The following TANC1 variants were observed in gnomAD, a reference collection of about 807,000 sequenced individuals.
TANC1 encodes protein TANC1.
TANC1 carries 77 observed loss-of-function variants against 149.7 expected under a neutral mutation model. The observed-to-expected ratio is 0.51, with a 90% CI of 0.43 to 0.62. TANC1 has a LOEUF of 0.62. Among genes scored for constraint, TANC1 ranks in the 20% least tolerant of loss-of-function variants. TANC1 has a pLI of 0.00. For missense variants in TANC1, 1,985 were observed against 2,321.8 expected, an observed-to-expected ratio of 0.85 and a Z score of 2.98; for synonymous variants, 854 against 925.0, an observed-to-expected ratio of 0.92 and a Z score of 1.39.
chr2:159,175,293 C>T, intron 12 of TANC1, 109 bp downstream of exon 12: 4 of 841,970 alleles, frequency 4.8e-6, no homozygotes, highest in Non-Finnish European at 5.7e-6. Flanking sequence ...TGAGGTGGAG[C>T]ATGGAGAGGA....
chr2:159,121,561 C>T (rs1244300823), intron 4 of TANC1, among the ~76,000 whole-genome samples: 1 of 152,208 alleles, frequency 6.6e-6, no homozygotes, highest in Non-Finnish European at 1.5e-5. Flanking sequence ...AACTCCTGAC[C>T]TCTGGTGATC....
At chr2:158,969,702 C>T (rs775666407) in intron 1 of TANC1, among the ~76,000 whole-genome samples, 2 of 152,212 alleles carry the variant, frequency 1.3e-5, no homozygotes, top group Non-Finnish European at 2.9e-5. Context: ...GTCCCTGGAC[C>T]GGTGTTCTCA....
At chr2:159,194,739 A>C (rs2150702363) in intron 17 of TANC1, among the ~76,000 whole-genome samples, 1 of 152,376 alleles carries the variant, frequency 6.6e-6, no homozygotes, top group East Asian at 1.9e-4. Context: ...CCTGGCTCCT[A>C]GCCGCATGAG....
chr2:159,069,108 AG>A (rs1226129007), intron 3 of TANC1, among the ~76,000 whole-genome samples: 2 of 152,222 alleles, frequency 1.3e-5, no homozygotes, highest in Non-Finnish European at 2.9e-5. Flanking sequence ...TCAAAATAGC[AG>A]AATTCCTCTC....
intron 2 of TANC1, among the ~76,000 whole-genome samples, chr2:159,041,240 G>A (rs2040604550): frequency 6.6e-6 from 1 of 152,212 alleles, no homozygotes; most frequent in South Asian, 2.1e-4. Flanking sequence ...ATGGGGGTCA[G>A]GGACCCACTT....
chr2:159,071,399 A>AT (rs66499974), intron 3 of TANC1, among the ~76,000 whole-genome samples: 5 of 151,932 alleles, frequency 3.3e-5, no homozygotes, highest in African/African-American at 1.2e-4. Context: ...TTAAAAAAAA[A>AT]TTTTTTTTTG....
chr2:159,010,962 G>A (rs765110300), intron 2 of TANC1, among the ~76,000 whole-genome samples: 3 of 152,044 alleles, frequency 2.0e-5, no homozygotes, highest in African/African-American at 4.8e-5. Flanking sequence ...GAATGAGTCC[G>A]TTGTGAAGAG....
At chr2:159,168,491 G>T (rs924502810) in intron 8 of TANC1, among the ~76,000 whole-genome samples, 5 of 151,712 alleles carry the variant, frequency 3.3e-5, no homozygotes, top group African/African-American at 1.2e-4. Context: ...TAGTAGAAAT[G>T]GGGTTTCACC....
At chr2:159,035,117 T>G (rs1292088042) in intron 2 of TANC1, among the ~76,000 whole-genome samples, 1 of 152,238 alleles carries the variant, frequency 6.6e-6, no homozygotes, top group Non-Finnish European at 1.5e-5. Context: ...TGATGAATAC[T>G]TCTATTGGAT....
chr2:159,062,906 G>T (rs2042342611), intron 2 of TANC1, among the ~76,000 whole-genome samples: 1 of 140,578 alleles, frequency 7.1e-6, no homozygotes, highest in African/African-American at 2.6e-5. Context: ...AGCGGAGCTT[G>T]CAGTGAGCCG....
chr2:159,075,767 T>TA (rs1453500075), intron 3 of TANC1, among the ~76,000 whole-genome samples: 6 of 152,172 alleles, frequency 3.9e-5, no homozygotes, highest in Non-Finnish European at 8.8e-5. Flanking sequence ...TTTTTTCATT[T>TA]AAAAAACCGT....
chr2:159,183,847 C>T lies in TANC1; in HGVS notation c.2511-1944C>T, dbSNP rs371532233. Among the ~76,000 whole-genome samples the T allele has an allele frequency of 7.2e-5, 11 of 152,204 alleles. No homozygotes were observed. In the East Asian group the frequency reaches 7.7e-4, roughly 11 times the overall value. On this transcript the variant is annotated intron_variant, in intron 14 of 26. Transcript: ENST00000263635. ...GGGCAGGTTGCCTCCTCTTTGTTCC[C>T]GTGGAATCTGTTCACAGCACCCAGT...
At chr2:159,194,766 A>G (rs549304312) in intron 17 of TANC1, among the ~76,000 whole-genome samples, 1 of 152,380 alleles carries the variant, frequency 6.6e-6, no homozygotes, top group Admixed American at 6.5e-5. Flanking sequence ...CAGCCTTTAA[A>G]AAGCCTGCAA....
At chr2:159,076,816 T>A (rs960300810) in intron 3 of TANC1, among the ~76,000 whole-genome samples, 16 of 152,144 alleles carry the variant, frequency 1.1e-4, no homozygotes, top group African/African-American at 3.6e-4. Flanking sequence ...GAGTGTAGTG[T>A]TTGTACGTTA....
intron 1 of TANC1, among the ~76,000 whole-genome samples, chr2:158,974,057 G>A (rs1434263060): frequency 6.6e-6 from 1 of 152,202 alleles, no homozygotes; most frequent in Non-Finnish European, 1.5e-5. Flanking sequence ...AAAGTCTGTG[G>A]ATGAAACAGT....
Position 159,150,396 on chromosome 2 carries a change from T to C in TANC1, c.522T>C (p.Ser174=), listed in dbSNP as rs139424911. 1.2e-6 allele frequency: 2 copies of C among 1,614,132 alleles called. No homozygotes were observed. Among genetic ancestry groups the C allele is most frequent in the African/African-American group, 2.7e-5 (2 of 75,028 alleles). The stretch of plus-strand genomic sequence containing the variant: ...GCACAGCTCTGAGTCAAGGCATCAG[T>C]CCTTGCTCCACACTAACAAGCAGCA... ...TMCTALSQGI[S]PCSTLTSSTA... is the part of the protein sequence containing the mutation. The change falls in exon 7 of 27, where the codon AGT becomes AGC. Residue 174 remains serine (S), a synonymous_variant. Transcript: ENST00000263635.
intron 3 of TANC1, among the ~76,000 whole-genome samples, chr2:159,066,641 C>A (rs2042692242): frequency 6.6e-6 from 1 of 152,202 alleles, no homozygotes; most frequent in South Asian, 2.1e-4. Flanking sequence ...CACATGATTA[C>A]ATTTTATGTG....
chr2:159,211,706 T>G (rs970311539), intron 19 of TANC1, among the ~76,000 whole-genome samples: 29 of 152,250 alleles, frequency 1.9e-4, no homozygotes, highest in Non-Finnish European at 3.8e-4. Context: ...GAGTTCGCCG[T>G]GATGGCCCCA....
chr2:159,109,363 T>C (rs1221036857), intron 4 of TANC1, among the ~76,000 whole-genome samples: 2 of 152,118 alleles, frequency 1.3e-5, no homozygotes, highest in Non-Finnish European at 2.9e-5. Context: ...CATGTTTATG[T>C]CCCCCCAAAA....
Sources: allele counts gnomAD v4.1 joint callset (sites outside exome capture counted in the v4.1 genomes callset), GRCh38; gene constraint gnomAD v4.1.1; transcripts MANE v1.5; gene names NCBI Gene and HGNC (gene_info 2026-07-23, HGNC 2026-07-21).